The following KIAA1549 variants were observed in gnomAD, a reference collection of about 807,000 sequenced individuals.
KIAA1549 encodes the protein UPF0606 protein KIAA1549.
A neutral mutation model predicts 156.4 loss-of-function variants in KIAA1549; 70 were observed. The ratio of observed to expected loss-of-function variants is 0.45; its 90% confidence interval spans 0.37 to 0.55. The LOEUF is 0.55. KIAA1549 is among the 20% of genes least tolerant of loss of function. KIAA1549 has a pLI of 0.00. For missense variants in KIAA1549, 2,428 were observed against 2,540.9 expected, an observed-to-expected ratio of 0.96 and a Z score of 0.96; for synonymous variants, 1,103 against 1,066.4, an observed-to-expected ratio of 1.03 and a Z score of -0.67.
chr7:138,841,543 G>C (rs531623045), intron 18 of KIAA1549, among the ~76,000 whole-genome samples: 1 of 152,104 alleles, frequency 6.6e-6, no homozygotes, highest in Non-Finnish European at 1.5e-5. Flanking sequence ...AATTAAGGGC[G>C]AACAAAGTGA....
intron 1 of KIAA1549, among the ~76,000 whole-genome samples, chr7:138,937,673 A>G (rs1813057131): frequency 6.6e-6 from 1 of 152,186 alleles, no homozygotes; most frequent in South Asian, 2.1e-4. Context: ...GGCCTGAAGC[A>G]GGAAGGAGAT....
chr7:138,884,332 C>T (rs1355735610), intron 10 of KIAA1549, among the ~76,000 whole-genome samples: 2 of 151,876 alleles, frequency 1.3e-5, no homozygotes, highest in East Asian at 1.9e-4. Flanking sequence ...ATCCTAAGCC[C>T]CCAACCTACT....
intron 1 of KIAA1549, among the ~76,000 whole-genome samples, chr7:138,922,536 AAT>A (rs1812593990): frequency 6.6e-6 from 1 of 152,200 alleles, no homozygotes; most frequent in Non-Finnish European, 1.5e-5. Context: ...CATTTAAAAT[AAT>A]AAAGACTGAA....
intron 1 of KIAA1549, among the ~76,000 whole-genome samples, chr7:138,966,039 C>T (rs1199816350): frequency 6.6e-6 from 1 of 152,170 alleles, no homozygotes; most frequent in Non-Finnish European, 1.5e-5. Flanking sequence ...GCTGGGAACA[C>T]TGTTCCCCCC....
chr7:138,967,425 G>A (rs1468767402), intron 1 of KIAA1549, among the ~76,000 whole-genome samples: 1 of 152,332 alleles, frequency 6.6e-6, no homozygotes, highest in East Asian at 1.9e-4. Flanking sequence ...TATCTGAGAT[G>A]AGAAAGTTCT....
Position 138,852,235 on chromosome 7 carries a change from C to A in KIAA1549, c.5282G>T (p.Gly1761Val). The A allele has an allele frequency of 6.2e-7, 1 of 1,610,474 alleles. No individual in the cohort carries two copies. Residue 1761 changes from glycine to valine, a missense_variant, in exon 17 of 20, where the codon GGT becomes GTT. Transcript: ENST00000422774. ...YEDYGMTPPT[G>V]PLPRPGFGPG... ...TTGAAAACCTTACCTTGGCAATGGA[C>A]CCGTCGGGGGAGTCATTCCATAGTC...
intron 15 of KIAA1549, among the ~76,000 whole-genome samples, chr7:138,862,293 A>C (rs1036089677): frequency 7.2e-5 from 11 of 152,014 alleles, no homozygotes; most frequent in Non-Finnish European, 1.6e-4. Flanking sequence ...AGAGGCCAGG[A>C]ATTTGAGACT....
rs1457360768 is a variant in KIAA1549, at chr7:138,833,355, C to T, written c.*4551G>A. 3 of 232,298 alleles carry T rather than the reference C, an allele frequency of 1.3e-5. No individual in the cohort carries two copies. The highest frequency in any genetic ancestry group is 1.7e-5 in the Non-Finnish European group (2 of 117,612). The allele number at this position is 232,298 out of a possible 1,614,324, so 14.4% of individuals were successfully genotyped here. ...TGCCAATGCACTGCAAATCAGTGTCCGAATGACTGGCTTGGTCACTGGAAC... is the reference window on the plus strand; with the variant it reads ...TGCCAATGCACTGCAAATCAGTGTCTGAATGACTGGCTTGGTCACTGGAAC... On this transcript the variant is annotated 3_prime_UTR_variant, in exon 20 of 20. Coordinates refer to ENST00000422774, the MANE Select transcript of KIAA1549 (RefSeq NM_001164665.2).
chr7:138,912,549 A>C, intron 2 of KIAA1549, 89 bp from the exon 3 acceptor site: 1 of 1,056,278 alleles, frequency 9.5e-7, no homozygotes, highest in Non-Finnish European at 1.5e-6. Context: ...ACTGTGCCAA[A>C]ATGTGTTAGC....
In KIAA1549 at chr7:138,879,599, G is replaced by A. The variant is rs1344695964; in HGVS notation, c.4284C>T (p.Asp1428=). The A allele has an allele frequency of 1.1e-5, 17 of 1,567,546 alleles. No homozygotes were observed. Among genetic ancestry groups the A allele is most frequent in the South Asian group, 2.4e-5 (2 of 85,062 alleles). ...CGGCTCCCGGCGTCTTATCTCCTGC[G>A]TCCCTCTCGCTGGACTCTTCACTGA... is the stretch of plus-strand genomic sequence containing the variant. ...STVSEESSER[D]AGDKTPGAVN... is the part of the protein sequence containing the mutation. Residue 1428 remains aspartate, a synonymous_variant, in exon 12 of 20, where the codon GAC becomes GAT. Transcript: ENST00000422774.
intron 12 of KIAA1549, among the ~76,000 whole-genome samples, chr7:138,873,061 G>A (rs1810983576): frequency 1.3e-5 from 2 of 152,190 alleles, no homozygotes; most frequent in African/African-American, 4.8e-5. Flanking sequence ...AAACTTCAAA[G>A]CATAAGTGAA....
At chr7:138,961,136 GTCTCCTCTA>G (rs1356632002) in intron 1 of KIAA1549, among the ~76,000 whole-genome samples, 1 of 152,186 alleles carries the variant, frequency 6.6e-6, no homozygotes, top group Non-Finnish European at 1.5e-5. Flanking sequence ...AAAGAGTGGG[GTCTCCTCTA>G]GGCACACACT....
chr7:138,965,487 G>A (rs1049113122), intron 1 of KIAA1549, among the ~76,000 whole-genome samples: 5 of 152,066 alleles, frequency 3.3e-5, no homozygotes, highest in African/African-American at 4.8e-5. Flanking sequence ...CACCACGCCC[G>A]GCAACGTTTT....
At chr7:138,863,364 T>C (rs755285913) in intron 15 of KIAA1549, among the ~76,000 whole-genome samples, 6 of 151,966 alleles carry the variant, frequency 3.9e-5, no homozygotes, top group Non-Finnish European at 8.8e-5. Context: ...TCAGTGAGTC[T>C]ATTACAAAGA....
chr7:138,843,769 A>C (rs1267434559), intron 18 of KIAA1549, among the ~76,000 whole-genome samples: 1 of 152,224 alleles, frequency 6.6e-6, no homozygotes, highest in Non-Finnish European at 1.5e-5. Flanking sequence ...AGTTCAGGAA[A>C]ACCTACAGGA....
At chr7:138,845,980 A>G (rs1810062030) in intron 17 of KIAA1549, among the ~76,000 whole-genome samples, 1 of 152,166 alleles carries the variant, frequency 6.6e-6, no homozygotes, top group Non-Finnish European at 1.5e-5. Flanking sequence ...CTCCACTCAA[A>G]CAATGGGAGC....
chr7:138,951,806 G>A (rs1813507523), intron 1 of KIAA1549, among the ~76,000 whole-genome samples: 1 of 152,164 alleles, frequency 6.6e-6, no homozygotes, highest in South Asian at 2.1e-4. Context: ...TAATACATAT[G>A]TCTAAGCAAC....
At chr7:138,882,415 G>A (rs1167516579) in intron 10 of KIAA1549, among the ~76,000 whole-genome samples, 2 of 152,174 alleles carry the variant, frequency 1.3e-5, no homozygotes, top group African/African-American at 4.8e-5. Context: ...ATGATGGCTC[G>A]AGACAAAATG....
At chr7:138,912,326 G>A (rs1812193431) in intron 3 of KIAA1549, 46 bp downstream of exon 3, 2 of 1,422,832 alleles carry the variant, frequency 1.4e-6, no homozygotes, top group South Asian at 2.3e-5. Flanking sequence ...TCTCACATCA[G>A]CCCCAGTCTC....
Sources: gnomAD v4.1 joint callset for allele counts (sites outside exome capture counted in the v4.1 genomes callset) on GRCh38, gnomAD v4.1.1 for gene constraint, MANE v1.5 for transcripts, NCBI Gene and HGNC (gene_info 2026-07-23, HGNC 2026-07-21) for gene names.